LRRC18: variants seen among roughly 807,000 people sequenced by gnomAD.
The protein encoded by LRRC18 is leucine rich repeat containing 18, also known as leucine-rich repeat-containing protein 18.
LRRC18 carries 12 observed loss-of-function variants against 11.2 expected under a neutral mutation model. The observed-to-expected ratio is 1.07, with a 90% CI of 0.69 to 1.74. The LOEUF (loss-of-function observed/expected upper bound fraction) is 1.74, where lower values mean the gene tolerates loss of function less well. LRRC18 is among the 40% of genes most tolerant of loss of function. The pLI is 0.00. For missense variants in LRRC18, 374 were observed against 330.5 expected, an observed-to-expected ratio of 1.13 and a Z score of -1.02; for synonymous variants, 155 against 130.6, an observed-to-expected ratio of 1.19 and a Z score of -1.27.
chr10:48,931,489 T>A, the LRRC18 span, among the ~76,000 whole-genome samples: 4 of 152,188 alleles, frequency 2.6e-5, no homozygotes, highest in South Asian at 6.2e-4. Context: ...CGTGGCCTGT[T>A]GTGAGAGGGT....
intron 1 of LRRC18, 103 bp downstream of exon 3, chr10:48,913,289 G>T: frequency 9.1e-7 from 1 of 1,097,090 alleles, no homozygotes; most frequent in Non-Finnish European, 1.3e-6. Context: ...TGAAAGAGCT[G>T]CTGCAGCCAC....
At chr10:48,920,252 A>G in the LRRC18 span, among the ~76,000 whole-genome samples, 1 of 152,284 alleles carries the variant, frequency 6.6e-6, no homozygotes, top group South Asian at 2.1e-4. Context: ...ACGTCCACAA[A>G]AAAGCTAGAG....
chr10:48,934,079 G>T, the LRRC18 span, among the ~76,000 whole-genome samples: 1 of 152,194 alleles, frequency 6.6e-6, no homozygotes, highest in Non-Finnish European at 1.5e-5. Flanking sequence ...CATGTGATCA[G>T]AGCAGCTTAC....
At chr10:48,913,785 C>T (rs536518606) in exon 1 of LRRC18, 43 of 1,613,986 alleles carry the variant, frequency 2.7e-5, no homozygotes, top group Middle Eastern at 1.6e-4. Flanking sequence ...GTTCACAGCG[C>T]GGATGTTCTT....
At chr10:48,931,287 T>C in the LRRC18 span, among the ~76,000 whole-genome samples, 1 of 152,350 alleles carries the variant, frequency 6.6e-6, no homozygotes, top group South Asian at 2.1e-4. Flanking sequence ...TCTGGTTGCC[T>C]GAGGCAGCCA....
upstream of LRRC18, among the ~76,000 whole-genome samples, chr10:48,916,999 C>A (rs1051941395): frequency 6.6e-6 from 1 of 151,724 alleles, no homozygotes. Context: ...TATAATTTTA[C>A]TTTACCTCTT....
the LRRC18 span, among the ~76,000 whole-genome samples, chr10:48,928,732 C>T: frequency 6.6e-6 from 1 of 152,196 alleles, no homozygotes; most frequent in African/African-American, 2.4e-5. Flanking sequence ...ACCCCATCTG[C>T]CGCAGGACAG....
chr10:48,934,793 A>G, the LRRC18 span, among the ~76,000 whole-genome samples: 1 of 152,176 alleles, frequency 6.6e-6, no homozygotes, highest in East Asian at 1.9e-4. Flanking sequence ...AAGCAGTTCA[A>G]ACACATCTCC....
chr10:48,910,151 C>G (rs1837866127), exon 2 of LRRC18: 1 of 1,272,874 alleles, frequency 7.9e-7, no homozygotes, highest in South Asian at 1.2e-5. Flanking sequence ...ACTTGCCACT[C>G]TGTCTTCTCC....
chr10:48,929,280 AG>A, the LRRC18 span, among the ~76,000 whole-genome samples: 1 of 152,088 alleles, frequency 6.6e-6, no homozygotes, highest in Non-Finnish European at 1.5e-5. Flanking sequence ...GGAGGGTGGG[AG>A]GAGGCACAAT....
At chr10:48,911,978 C>T (rs1343796602) in intron 1 of LRRC18, among the ~76,000 whole-genome samples, 3 of 152,262 alleles carry the variant, frequency 2.0e-5, no homozygotes, top group African/African-American at 7.2e-5. Context: ...AAGTTAATAC[C>T]ACTTCACTGA....
chr10:48,928,276 G>A, the LRRC18 span, among the ~76,000 whole-genome samples: 5 of 151,928 alleles, frequency 3.3e-5, no homozygotes, highest in African/African-American at 4.8e-5. Context: ...CTGAACTCCT[G>A]TAAAGAGGAT....
chr10:48,933,193 G>A, the LRRC18 span, among the ~76,000 whole-genome samples: 1 of 152,166 alleles, frequency 6.6e-6, no homozygotes, highest in Non-Finnish European at 1.5e-5. Context: ...TGTGGACCAG[G>A]CAACGAGAAA....
the LRRC18 span, among the ~76,000 whole-genome samples, chr10:48,934,881 CCAATGACTTG>C: frequency 3.3e-5 from 5 of 152,162 alleles, no homozygotes; most frequent in Non-Finnish European, 7.3e-5. Context: ...CCCCAAAGCA[CCAATGACTTG>C]CACACCTGCC....
the LRRC18 span, among the ~76,000 whole-genome samples, chr10:48,925,282 C>T: frequency 6.6e-6 from 1 of 152,174 alleles, no homozygotes; most frequent in African/African-American, 2.4e-5. Flanking sequence ...TGGTCATGCT[C>T]CCTCTAAAGA....
chr10:48,939,443 G>C, the LRRC18 span, among the ~76,000 whole-genome samples: 4 of 152,206 alleles, frequency 2.6e-5, no homozygotes, highest in African/African-American at 9.7e-5. Flanking sequence ...CCCCATTTAA[G>C]TGGTGGAGAT....
the LRRC18 span, among the ~76,000 whole-genome samples, chr10:48,929,078 G>C: frequency 3.3e-5 from 5 of 152,300 alleles, no homozygotes; most frequent in South Asian, 8.3e-4. Context: ...TTTTAGAAAG[G>C]GGGAGGCCAG....
At chr10:48,915,288 C>T (rs1027243700), upstream of LRRC18, among the ~76,000 whole-genome samples, 4 of 152,188 alleles carry the variant, frequency 2.6e-5, no homozygotes, top group Non-Finnish European at 5.9e-5. Context: ...CACAGCATTA[C>T]CCTATCATAG....
At chr10:48,920,501 A>G in the LRRC18 span, among the ~76,000 whole-genome samples, 1 of 152,194 alleles carries the variant, frequency 6.6e-6, no homozygotes, top group African/African-American at 2.4e-5. Context: ...ATATACCCTA[A>G]AACTTAAAGT....
Sources: gnomAD v4.1 joint callset for allele counts (sites outside exome capture counted in the v4.1 genomes callset) on GRCh38, gnomAD v4.1.1 for gene constraint, MANE v1.5 for transcripts, NCBI Gene and HGNC (gene_info 2026-07-23, HGNC 2026-07-21) for gene names.